Variants in PIK3C3 observed in about 807,000 individuals in gnomAD.
The protein encoded by PIK3C3 is PI3-kinase type 3.
A neutral mutation model predicts 126.1 loss-of-function variants in PIK3C3; 95 were observed. The ratio of observed to expected loss-of-function variants is 0.75; its 90% CI spans 0.64 to 0.89. PIK3C3 has a LOEUF of 0.89. Ranked by LOEUF, PIK3C3 falls within the 40% of genes least tolerant of loss-of-function variation. PIK3C3 has a pLI of 0.00. For synonymous variants in PIK3C3, 374 were observed against 360.0 expected (o/e 1.04, Z -0.44); for missense variants, 829 against 1,063.2 (o/e 0.78, Z 3.06).
At position 41,959,712 on chromosome 18, in the gene PIK3C3, G is replaced by A. The variant is rs146303859; in HGVS notation, c.257+1954G>A. ...GGGAGGCTAAGGCAGGAGAATCGCC[G>A]GAACCCAGGAGGCAGAGGTTGCAGT... On this transcript the variant is annotated intron_variant, in intron 2 of 24. Transcript: ENST00000262039. 4.2e-3 allele frequency among the ~76,000 whole-genome samples: 640 copies of A among 151,974 alleles called. 8 individuals carry two copies. The highest frequency in any genetic ancestry group is 0.014 in the African/African-American group (596 of 41,424).
intron 19 of PIK3C3, among the ~76,000 whole-genome samples, chr18:42,042,045 C>T (rs183643826): frequency 2.0e-4 from 31 of 152,294 alleles, no homozygotes; most frequent in Admixed American, 1.8e-3. Flanking sequence ...GGGTGGTTCG[C>T]TGTGCCTAGA....
intron 9 of PIK3C3, among the ~76,000 whole-genome samples, chr18:41,998,398 G>A (rs561052775): frequency 8.8e-4 from 134 of 152,038 alleles, no homozygotes; most frequent in Admixed American, 1.6e-3. Flanking sequence ...GCTCAGTGTC[G>A]TCTTAAATAC....
chr18:42,026,249 G>A (rs1983562035), intron 13 of PIK3C3: 1 of 152,170 alleles, frequency 6.6e-6, no homozygotes, highest in Non-Finnish European at 1.5e-5. Context: ...AAGCAAGCAA[G>A]TTGATTGAGA....
intron 4 of PIK3C3, among the ~76,000 whole-genome samples, chr18:41,983,185 T>G (rs1981292610): frequency 6.6e-6 from 1 of 152,180 alleles, no homozygotes; most frequent in Non-Finnish European, 1.5e-5. Context: ...CTCACTTATT[T>G]CCACCTTGAT....
intron 4 of PIK3C3, 123 bp from the exon 5 acceptor site, chr18:41,987,689 G>A (rs1043677079): frequency 3.8e-5 from 20 of 526,370 alleles, no homozygotes; most frequent in African/African-American, 2.4e-4. Flanking sequence ...TGCTAATTGC[G>A]TATGGTTTCT....
At chr18:42,000,517 C>T (rs1194757039) in intron 9 of PIK3C3, among the ~76,000 whole-genome samples, 2 of 152,098 alleles carry the variant, frequency 1.3e-5, no homozygotes, top group Non-Finnish European at 2.9e-5. Flanking sequence ...GAGACAATGG[C>T]CAGGGGTTAG....
intron 13 of PIK3C3, among the ~76,000 whole-genome samples, chr18:42,022,975 AT>A (rs1983393966): frequency 2.6e-5 from 4 of 152,152 alleles, no homozygotes; most frequent in Non-Finnish European, 2.9e-5. Context: ...AAATCTAAAT[AT>A]TTAGAAGGAA....
chr18:42,023,077 A>G (rs963444070), intron 13 of PIK3C3, among the ~76,000 whole-genome samples: 1 of 152,158 alleles, frequency 6.6e-6, no homozygotes, highest in Non-Finnish European at 1.5e-5. Context: ...AAAATTTTGT[A>G]TATTTTTAAA....
chr18:41,999,783 T>C (rs981947540), intron 9 of PIK3C3, among the ~76,000 whole-genome samples: 2 of 152,168 alleles, frequency 1.3e-5, no homozygotes, highest in African/African-American at 2.4e-5. Context: ...TGCTGTGACA[T>C]GAGGAAGGTT....
intron 10 of PIK3C3, among the ~76,000 whole-genome samples, chr18:42,010,042 G>C (rs1167079419): frequency 6.6e-6 from 1 of 152,110 alleles, no homozygotes; most frequent in Non-Finnish European, 1.5e-5. Flanking sequence ...ATGCAATGCT[G>C]CTTGTTAGCA....
intron 20 of PIK3C3, among the ~76,000 whole-genome samples, chr18:42,047,792 A>C (rs1409964403): frequency 6.6e-6 from 1 of 152,202 alleles, no homozygotes; most frequent in South Asian, 2.1e-4. Flanking sequence ...GTAAGGCTGA[A>C]GAGTTTACAT....
chr18:42,044,649 C>A (rs1362504268), intron 20 of PIK3C3, among the ~76,000 whole-genome samples: 1 of 152,112 alleles, frequency 6.6e-6, no homozygotes, highest in African/African-American at 2.4e-5. Flanking sequence ...AACTCCTGGG[C>A]TCAAACGATC....
At chr18:41,974,338 A>G (rs188825098) in intron 4 of PIK3C3, among the ~76,000 whole-genome samples, 53 of 152,322 alleles carry the variant, frequency 3.5e-4, no homozygotes, top group Admixed American at 1.2e-3. Flanking sequence ...AGAGTTTTTA[A>G]AAGTCCAGTT....
At chr18:41,992,073 A>G (rs182469144) in intron 6 of PIK3C3, among the ~76,000 whole-genome samples, 1 of 152,330 alleles carries the variant, frequency 6.6e-6, no homozygotes, top group African/African-American at 2.4e-5. Flanking sequence ...TGAAATAATA[A>G]CAGAATAGAA....
In PIK3C3 at chr18:42,009,012, G is replaced by A. The variant is rs556341924; in HGVS notation, c.1171-4430G>A. ...CAGGTAATAGATTGAGCAGCACTCC[G>A]AATGAAGGCTGGCAGTGAAACTGAA... On this transcript the variant is annotated intron_variant, in intron 10 of 24. Coordinates refer to ENST00000262039, the MANE Select transcript of PIK3C3 (RefSeq NM_002647.4). Among the ~76,000 whole-genome samples the A allele has an allele frequency of 7.9e-5, 12 of 152,188 alleles. No individual in the cohort carries two copies. In the South Asian group the frequency reaches 1.2e-3, roughly 16 times the overall value.
In PIK3C3 at chr18:42,067,402, C is replaced by G; in HGVS notation, c.2538C>G (p.Phe846Leu). ...DKTVKKVQDK[F>L]RLDLSDEEAV... is the part of the protein sequence containing the mutation. ...TTATCTTATAGGTTCAGGATAAATTCCGCTTAGACCTGTCGGATGAAGAGG... is the reference window on the plus strand; with the variant it reads ...TTATCTTATAGGTTCAGGATAAATTGCGCTTAGACCTGTCGGATGAAGAGG... Residue 846 changes from phenylalanine to leucine, a missense_variant, in exon 24 of 25, where the codon TTC becomes TTG. Coordinates refer to ENST00000262039, the MANE Select transcript of PIK3C3 (RefSeq NM_002647.4). 2 of 1,613,996 alleles carry G rather than the reference C, an allele frequency of 1.2e-6. No individual in the cohort carries two copies. The highest frequency in any genetic ancestry group is 1.7e-6 in the Non-Finnish European group (2 of 1,179,886).
chr18:42,020,770 T>A, intron 13 of PIK3C3, 65 bp downstream of exon 13: 1 of 877,742 alleles, frequency 1.1e-6, no homozygotes, highest in Non-Finnish European at 1.8e-6. Context: ...TCTCATGCTA[T>A]AAACACAAAG....
intron 6 of PIK3C3, among the ~76,000 whole-genome samples, chr18:41,990,871 T>G (rs1428463584): frequency 6.6e-6 from 1 of 152,186 alleles, no homozygotes; most frequent in East Asian, 1.9e-4. Flanking sequence ...ATTATTTATT[T>G]AAAAAATGAA....
At chr18:42,031,709 G>A (rs1983838102) in intron 15 of PIK3C3, among the ~76,000 whole-genome samples, 1 of 152,138 alleles carries the variant, frequency 6.6e-6, no homozygotes, top group South Asian at 2.1e-4. Flanking sequence ...GAGCCACTGT[G>A]CCTGGCCATC....
Sources: gnomAD v4.1 joint callset for allele counts (sites outside exome capture counted in the v4.1 genomes callset) on GRCh38, gnomAD v4.1.1 for gene constraint, MANE v1.5 for transcripts, NCBI Gene and HGNC (gene_info 2026-07-23, HGNC 2026-07-21) for gene names.